ERBB4: variants seen among roughly 807,000 people sequenced by gnomAD.
ERBB4 encodes erb-b2 receptor tyrosine kinase 4.
A neutral mutation model predicts 158.0 loss-of-function variants in ERBB4; 42 were observed. That is an observed-to-expected ratio of 0.27 (90% confidence interval 0.21 to 0.34). The LOEUF (loss-of-function observed/expected upper bound fraction) is 0.34. Among genes scored for constraint, ERBB4 ranks in the 10% least tolerant of loss-of-function variants. ERBB4 has a pLI of 1.00. For synonymous variants in ERBB4, 583 were observed against 558.7 expected, an observed-to-expected ratio of 1.04 and a Z score of -0.61; for missense variants, 1,333 against 1,624.1, an observed-to-expected ratio of 0.82 and a Z score of 3.08.
intron 1 of ERBB4, among the ~76,000 whole-genome samples, chr2:212,497,728 A>C (rs1159483019): frequency 6.6e-6 from 1 of 152,174 alleles, no homozygotes; most frequent in Non-Finnish European, 1.5e-5. Flanking sequence ...TCTGTGAAAG[A>C]AATAAAAAAA....
At chr2:211,973,364 G>A (rs2081510813) in intron 2 of ERBB4, among the ~76,000 whole-genome samples, 1 of 151,996 alleles carries the variant, frequency 6.6e-6, no homozygotes, top group African/African-American at 2.4e-5. Context: ...ACCACACCTG[G>A]CTAATTTTTT....
intron 9 of ERBB4, among the ~76,000 whole-genome samples, chr2:211,709,879 G>A (rs1309804911): frequency 1.3e-5 from 2 of 152,022 alleles, no homozygotes; most frequent in African/African-American, 4.8e-5. Flanking sequence ...AATGTGTCTG[G>A]CTAGTGGTTT....
chr2:211,537,445 A>G (rs911681612), intron 20 of ERBB4, among the ~76,000 whole-genome samples: 1 of 152,012 alleles, frequency 6.6e-6, no homozygotes, highest in Non-Finnish European at 1.5e-5. Context: ...AGGTAGGAAT[A>G]TAAGAGAATT....
At chr2:212,398,831 G>A (rs1233651684) in intron 1 of ERBB4, among the ~76,000 whole-genome samples, 1 of 151,988 alleles carries the variant, frequency 6.6e-6, no homozygotes, top group Admixed American at 6.6e-5. Context: ...GATTTTTCAA[G>A]GCTTAAAAGA....
chr2:212,406,427 A>G (rs1181726077), intron 1 of ERBB4, among the ~76,000 whole-genome samples: 1 of 152,174 alleles, frequency 6.6e-6, no homozygotes, highest in Non-Finnish European at 1.5e-5. Flanking sequence ...GAAATGGCCA[A>G]TTTCTTGGTA....
chr2:212,354,398 A>T lies in ERBB4; in HGVS notation c.82+184051T>A, dbSNP rs557624185. Among the ~76,000 whole-genome samples, 3 of 152,230 alleles carry T rather than the reference A, an allele frequency of 2.0e-5. No homozygotes were observed. The South Asian group carries it at 6.2e-4, about 32-fold the overall frequency. On this transcript the variant is annotated intron_variant, in intron 1 of 27. Coordinates refer to ENST00000342788, the MANE Select transcript of ERBB4 (RefSeq NM_005235.3). ...AAAGCCTGAGCATGAGGGGTGCCAC[A>T]TGAGAGAAGGGTAGCAAATGTAAAT...
chr2:211,531,511 C>T (rs112303625), intron 20 of ERBB4, among the ~76,000 whole-genome samples: 2 of 152,096 alleles, frequency 1.3e-5, no homozygotes, highest in African/African-American at 2.4e-5. Flanking sequence ...TCTGAACAGA[C>T]ATTTCTCAAA....
At chr2:212,418,565 C>T (rs2091714719) in intron 1 of ERBB4, among the ~76,000 whole-genome samples, 1 of 150,016 alleles carries the variant, frequency 6.7e-6, no homozygotes, top group African/African-American at 2.4e-5. Flanking sequence ...ATTTGAAGTC[C>T]ATAAAATAAA....
At chr2:212,075,687 T>TA (rs1374875171) in intron 2 of ERBB4, among the ~76,000 whole-genome samples, 1 of 151,956 alleles carries the variant, frequency 6.6e-6, no homozygotes, top group Non-Finnish European at 1.5e-5. Context: ...TGGTTGGTTT[T>TA]ATATAATATT....
At chr2:211,755,231 G>A (rs1337609255) in intron 4 of ERBB4, among the ~76,000 whole-genome samples, 1 of 152,130 alleles carries the variant, frequency 6.6e-6, no homozygotes, top group African/African-American at 2.4e-5. Context: ...GCCTAGTGCA[G>A]CAGCACATGT....
chr2:211,753,630 G>A, intron 4 of ERBB4, among the ~76,000 whole-genome samples: 1 of 151,836 alleles, frequency 6.6e-6, no homozygotes, highest in Admixed American at 6.6e-5. Context: ...TTGGAAGTCA[G>A]CTACATTCCT....
At chr2:211,867,023 C>CCAAAA (rs2078226391) in intron 3 of ERBB4, among the ~76,000 whole-genome samples, 1 of 19,454 alleles carries the variant, frequency 5.1e-5, no homozygotes, top group Admixed American at 6.4e-4. Context: ...TTCCTTAAAA[C>CCAAAA]CAAAAAAAAA....
intron 2 of ERBB4, among the ~76,000 whole-genome samples, chr2:212,054,062 C>T (rs908840321): frequency 6.6e-6 from 1 of 152,088 alleles, no homozygotes; most frequent in African/African-American, 2.4e-5. Context: ...GTGCAGTAAC[C>T]TCCTTCCCCT....
At chr2:212,146,805 A>C (rs2080689090) in intron 1 of ERBB4, among the ~76,000 whole-genome samples, 1 of 152,090 alleles carries the variant, frequency 6.6e-6, no homozygotes, top group Non-Finnish European at 1.5e-5. Flanking sequence ...TGATTTGGAA[A>C]GGCAGTAGCA....
chr2:212,532,471 C>A (rs553012999), intron 1 of ERBB4, among the ~76,000 whole-genome samples: 1 of 137,522 alleles, frequency 7.3e-6, no homozygotes, highest in Non-Finnish European at 1.5e-5. Context: ...GGTCCACTTA[C>A]AAAAATAATT....
At chr2:211,796,996 G>A (rs1188004980) in intron 3 of ERBB4, among the ~76,000 whole-genome samples, 7 of 151,820 alleles carry the variant, frequency 4.6e-5, no homozygotes, top group East Asian at 1.9e-4. Context: ...TCTGGAAGAC[G>A]GATGGGAAAA....
At chr2:211,646,234 C>T (rs1162081280) in intron 16 of ERBB4, among the ~76,000 whole-genome samples, 1 of 151,268 alleles carries the variant, frequency 6.6e-6, no homozygotes, top group Non-Finnish European at 1.5e-5. Flanking sequence ...ATATACATTT[C>T]TATTTAATAC....
intron 1 of ERBB4, among the ~76,000 whole-genome samples, chr2:212,292,044 C>A (rs2106182699): frequency 6.6e-6 from 1 of 151,800 alleles, no homozygotes; most frequent in African/African-American, 2.4e-5. Flanking sequence ...GGTTGTAATT[C>A]TGGAAAAACA....
chr2:211,862,846 A>T (rs2078098934), intron 3 of ERBB4, among the ~76,000 whole-genome samples: 1 of 152,238 alleles, frequency 6.6e-6, no homozygotes, highest in Non-Finnish European at 1.5e-5. Context: ...TCCTGGGTCG[A>T]GTGGGGACTT....
Sources: allele counts gnomAD v4.1 joint callset (sites outside exome capture counted in the v4.1 genomes callset), GRCh38; gene constraint gnomAD v4.1.1; transcripts MANE v1.5; gene names NCBI Gene and HGNC (gene_info 2026-07-23, HGNC 2026-07-21).